DNAJC18: variants seen among roughly 807,000 people sequenced by gnomAD.
DNAJC18 encodes DnaJ heat shock protein family (Hsp40) member C18.
A neutral mutation model predicts 48.6 loss-of-function variants in DNAJC18; 40 were observed. That is an observed-to-expected ratio of 0.82 (90% CI 0.64 to 1.07). DNAJC18 has a LOEUF of 1.07. DNAJC18 is among the 50% of genes least tolerant of loss of function. DNAJC18 has a pLI of 0.00. For synonymous variants in DNAJC18, 135 were observed against 152.2 expected, an observed-to-expected ratio of 0.89 and a Z score of 0.83; for missense variants, 340 against 427.7, an observed-to-expected ratio of 0.79 and a Z score of 1.81.
At chr5:139,426,394 C>G (rs761443058) in intron 3 of DNAJC18, 37 bp from the exon 4 acceptor site, 1 of 1,607,728 alleles carries the variant, frequency 6.2e-7, no homozygotes, top group African/African-American at 1.3e-5. Context: ...AGGACACAGT[C>G]TTTGCTATGG....
Position 139,410,399 on chromosome 5 carries a change from A to G in DNAJC18, c.*3749T>C, listed in dbSNP as rs998745267. On this transcript the variant is annotated 3_prime_UTR_variant, in exon 8 of 8. Transcript: ENST00000302060. ...TGAGCGTGATGTAAATGATGTAATC[A>G]GTATCTAACACGAGTATATACTTTC... 3 of 152,194 alleles carry G rather than the reference A, an allele frequency of 2.0e-5. No individual in the cohort carries two copies. Among genetic ancestry groups the G allele is most frequent in the African/African-American group, 4.8e-5 (2 of 41,450 alleles). The allele number at this position is 152,194 out of a possible 1,614,324, so 9.4% of individuals were successfully genotyped here. A position where few individuals can be genotyped will look rare whatever the true frequency, so the allele number is the denominator to read the frequency against.
Position 139,428,624 on chromosome 5 carries a change from T to C in DNAJC18, c.287A>G (p.Glu96Gly). 6.2e-7 allele frequency: 1 copy of C among 1,614,016 alleles called. No individual in the cohort carries two copies. The highest frequency in any genetic ancestry group is 1.1e-5 in the South Asian group (1 of 91,028). ...TTTTCTGTAAGCTTTCTTAAGCTCT[T>C]CGTCACTAGCATCTCGAGAAACTCC... The part of the protein sequence containing the change: ...ILGVSRDASD[E>G]ELKKAYRKLA... Residue 96 changes from glutamate (E) to glycine (G), a missense_variant, in exon 3 of 8, where the codon GAA becomes GGA. Glu to Gly is a moderately conservative substitution (Grantham distance 98, BLOSUM62 -2). Coordinates refer to ENST00000302060, the MANE Select transcript of DNAJC18 (RefSeq NM_152686.4).
rs1737066104 is a variant in DNAJC18 at position 139,410,283 on chromosome 5, T to A, written c.*3865A>T. Reference sequence around the variant, plus strand: ...GATGTAGTGGATGAGGTGGCCAGATTTTTTCAAGATTCTTAGTCCACCAGG... The same window carrying A: ...GATGTAGTGGATGAGGTGGCCAGATATTTTCAAGATTCTTAGTCCACCAGG... On this transcript the variant is annotated 3_prime_UTR_variant, in exon 8 of 8. Transcript: ENST00000302060. 6.6e-6 allele frequency: 1 copy of A among 152,232 alleles called. No homozygotes were observed. The highest frequency in any genetic ancestry group is 6.5e-5 in the Admixed American group (1 of 15,282). 9.4% of individuals were successfully genotyped at this position (152,232 alleles called of 1,614,324 possible). A position where few individuals can be genotyped will look rare whatever the true frequency, so the allele number is the denominator to read the frequency against.
At chr5:139,417,934 G>T (rs1003658622) in intron 7 of DNAJC18, among the ~76,000 whole-genome samples, 7 of 152,122 alleles carry the variant, frequency 4.6e-5, no homozygotes, top group African/African-American at 1.4e-4. Flanking sequence ...GCCTCATGGG[G>T]ATGGGGACAA....
chr5:139,413,907 A>G lies in DNAJC18; in HGVS notation c.*241T>C, dbSNP rs1174109343. 1 of 495,896 alleles carries G rather than the reference A, an allele frequency of 2.0e-6. No individual in the cohort carries two copies. The highest frequency in any genetic ancestry group is 3.5e-6 in the Non-Finnish European group (1 of 286,264). 30.7% of individuals were successfully genotyped at this position (495,896 alleles called of 1,614,324 possible). ...GCATGGAGCAGGGAGACGGAATCCA[A>G]TGCCTTGCCATTAATTTAACTTAGA... On this transcript the variant is annotated 3_prime_UTR_variant, in exon 8 of 8. Transcript: ENST00000302060.
At chr5:139,428,725 T>C (rs1028673485) in intron 2 of DNAJC18, 42 bp from the exon 3 acceptor site, 1 of 1,570,428 alleles carries the variant, frequency 6.4e-7, no homozygotes, top group African/African-American at 1.4e-5. Context: ...AAGGTCCCTT[T>C]TGTACAACTA....
intron 5 of DNAJC18, 127 bp from the exon 6 acceptor site, chr5:139,422,944 T>C: frequency 4.1e-6 from 2 of 492,144 alleles, no homozygotes; most frequent in South Asian, 2.3e-5. Context: ...CACGCCATTC[T>C]CCTGCCTCAG....
At chr5:139,434,882 A>T (rs1750609973) in intron 2 of DNAJC18, among the ~76,000 whole-genome samples, 1 of 150,712 alleles carries the variant, frequency 6.6e-6, no homozygotes, top group African/African-American at 2.4e-5. Flanking sequence ...CCCTGGCTTG[A>T]CCCTCTAGTA....
At chr5:139,414,320 GTTTCA>G in intron 7 of DNAJC18, 48 bp from the exon 8 acceptor site, 2 of 1,554,630 alleles carry the variant, frequency 1.3e-6, no homozygotes, top group Non-Finnish European at 8.7e-7. Flanking sequence ...GAACTCCTTT[GTTTCA>G]TTTCAATGTT....
At chr5:139,432,626 T>C (rs1759348293) in intron 2 of DNAJC18, among the ~76,000 whole-genome samples, 1 of 152,112 alleles carries the variant, frequency 6.6e-6, no homozygotes, top group Admixed American at 6.6e-5. Flanking sequence ...ACCATAACCC[T>C]GAGTTAATCC....
intron 7 of DNAJC18, among the ~76,000 whole-genome samples, chr5:139,415,693 C>A (rs1759060642): frequency 6.6e-6 from 1 of 152,232 alleles, no homozygotes; most frequent in Non-Finnish European, 1.5e-5. Context: ...CAGGGCTCGG[C>A]ACTAACTCCA....
At position 139,439,487 on chromosome 5, in the gene DNAJC18, C is replaced by G. The variant is rs754665905; in HGVS notation, c.-42G>C. 2 of 1,613,634 alleles carry G rather than the reference C, an allele frequency of 1.2e-6. No individual in the cohort carries two copies. Among genetic ancestry groups the G allele is most frequent in the Non-Finnish European group, 1.7e-6 (2 of 1,179,950 alleles). On this transcript the variant is annotated 5_prime_UTR_variant, in exon 1 of 8. Coordinates refer to ENST00000302060, the MANE Select transcript of DNAJC18 (RefSeq NM_152686.4). The surrounding 1 kb of genome is among the most constrained non-coding windows in gnomAD (Gnocchi z 4.1). ...CAGGTCCGCCGAGCCTCCCCCGTGC[C>G]CGAGGCTGAAAGAGAAGGGGGCGCG...
chr5:139,439,119 G>A lies in DNAJC18; in HGVS notation c.40+287C>T, dbSNP rs1460925193. On this transcript the variant is annotated intron_variant, in intron 1 of 7. Transcript: ENST00000302060. This position sits in a 1 kb window ranked among gnomAD's most constrained non-coding sequence, Gnocchi z 4.1. Reference sequence around the variant, plus strand: ...ACCGCAGCACCCCACGGGCCCTCCAGTCACCTTGGCATGGGCGGGGCCTGA... The same window carrying A: ...ACCGCAGCACCCCACGGGCCCTCCAATCACCTTGGCATGGGCGGGGCCTGA... Among the ~76,000 whole-genome samples, 1 of 151,988 alleles carries A rather than the reference G, an allele frequency of 6.6e-6. No individual in the cohort carries two copies. The highest frequency in any genetic ancestry group is 1.5e-5 in the Non-Finnish European group (1 of 67,976).
chr5:139,429,169 T>C lies in DNAJC18; in HGVS notation c.228-486A>G, dbSNP rs184292179. ...CGCGATCTCAGCTCACTGCAACCTC[T>C]GCCTCCCAGGTTCAAGCAATTCTCC... On this transcript the variant is annotated intron_variant, in intron 2 of 7. Transcript: ENST00000302060. 2.7e-4 allele frequency among the ~76,000 whole-genome samples: 41 copies of C among 149,460 alleles called. No homozygotes were observed. In the East Asian group the frequency reaches 7.5e-3, roughly 27 times the overall value.
At chr5:139,428,448 C>T (rs1759276346) in intron 3 of DNAJC18, 90 bp downstream of exon 3, 1 of 1,510,170 alleles carries the variant, frequency 6.6e-7, no homozygotes, top group Non-Finnish European at 8.9e-7. Flanking sequence ...CTCCTTATGG[C>T]CTTATAAAAC....
rs779334608 is a variant in DNAJC18 at position 139,428,683 on chromosome 5, C to G, written c.228G>C (p.Arg76Ser). The G allele has an allele frequency of 3.1e-6, 5 of 1,606,484 alleles. No individual in the cohort carries two copies. The African/African-American group carries it at 6.8e-5, about 22-fold the overall frequency. ...CATAGTAATTTCTGCATTTCTTGAT[C>G]CTAAAAAAAATCACAAGCATGTATG... Reference protein sequence around the residue: ...YSEEQLLGVQRIKKCRNYYEI... With the variant: ...YSEEQLLGVQSIKKCRNYYEI... Residue 76 changes from arginine to serine, a missense_variant and splice_region_variant, in exon 3 of 8, where the codon AGG (arginine) becomes AGC (serine). By Grantham distance (110) the Arg-to-Ser change is moderately radical. Coordinates refer to ENST00000302060, the MANE Select transcript of DNAJC18 (RefSeq NM_152686.4).
At position 139,411,551 on chromosome 5, in the gene DNAJC18, C is replaced by T. The variant is rs962769346; in HGVS notation, c.*2597G>A. 3 of 152,178 alleles carry T rather than the reference C, an allele frequency of 2.0e-5. No homozygotes were observed. The highest frequency in any genetic ancestry group is 2.9e-5 in the Non-Finnish European group (2 of 68,044). 9.4% of individuals were successfully genotyped at this position (152,178 alleles called of 1,614,324 possible). A position where few individuals can be genotyped will look rare whatever the true frequency, so the allele number is the denominator to read the frequency against. ...TGCAGACAACCCATCTAAAATATAACCCAGGAAATTATAGCTTCACAATAT... is the reference window on the plus strand; with the variant it reads ...TGCAGACAACCCATCTAAAATATAATCCAGGAAATTATAGCTTCACAATAT... On this transcript the variant is annotated 3_prime_UTR_variant, in exon 8 of 8. Transcript: ENST00000302060.
chr5:139,413,011 CAT>C lies in DNAJC18; in HGVS notation c.*1135_*1136del. 1 of 397,820 alleles carries C rather than the reference CAT, an allele frequency of 2.5e-6. No individual in the cohort carries two copies. Among genetic ancestry groups the C allele is most frequent in the Non-Finnish European group, 4.4e-6 (1 of 226,030 alleles). The allele number at this position is 397,820 out of a possible 1,614,324, so 24.6% of individuals were successfully genotyped here. On this transcript the variant is annotated 3_prime_UTR_variant, in exon 8 of 8. Transcript: ENST00000302060. ...TGCTCTGCCACTACAAGACCTGGGT[CAT>C]CCTCTCTGGGCCAATGTTCTCATTC... is the stretch of plus-strand genomic sequence containing the variant.
At chr5:139,437,580 T>C in intron 1 of DNAJC18, 22 bp from the exon 2 acceptor site, 2 of 1,601,440 alleles carry the variant, frequency 1.2e-6, no homozygotes, top group Non-Finnish European at 1.7e-6. Flanking sequence ...AGCCCCTCCA[T>C]TAGGTCTCCA....
Sources: allele counts gnomAD v4.1 joint callset (sites outside exome capture counted in the v4.1 genomes callset), GRCh38; gene constraint gnomAD v4.1.1; non-coding constraint Gnocchi (gnomAD v3.1); transcripts MANE v1.5; gene names NCBI Gene and HGNC (gene_info 2026-07-23, HGNC 2026-07-21).